NEO1: variants seen among roughly 807,000 people sequenced by gnomAD.
NEO1 encodes the protein neogenin.
Under a neutral mutation model 159.7 loss-of-function variants are expected in NEO1, and 63 were observed. That is an observed-to-expected ratio of 0.39 (90% confidence interval 0.32 to 0.49). The LOEUF is 0.49. NEO1 is among the 20% of genes least tolerant of loss of function. NEO1 has a pLI of 0.85. For synonymous variants in NEO1, 633 were observed against 662.0 expected (o/e 0.96, Z 0.67); for missense variants, 1,615 against 1,831.0 (o/e 0.88, Z 2.15).
chr15:73,150,418 A>G (rs937583350), intron 5 of NEO1, among the ~76,000 whole-genome samples: 2 of 152,204 alleles, frequency 1.3e-5, no homozygotes, highest in African/African-American at 2.4e-5. Context: ...TTTGTGTTAG[A>G]CATTTTTCAT....
intron 8 of NEO1, among the ~76,000 whole-genome samples, chr15:73,242,104 C>A (rs1348919036): frequency 6.6e-6 from 1 of 152,044 alleles, no homozygotes; most frequent in African/African-American, 2.4e-5. Context: ...GTAAAATAGT[C>A]CCCCTCCTGT....
chr15:73,089,424 G>A (rs2069551762), intron 1 of NEO1, among the ~76,000 whole-genome samples: 1 of 151,998 alleles, frequency 6.6e-6, no homozygotes, highest in Non-Finnish European at 1.5e-5. Context: ...TTTGACATAT[G>A]ATATAGGACT....
chr15:73,143,818 C>A (rs995007037), intron 5 of NEO1, among the ~76,000 whole-genome samples: 2 of 152,144 alleles, frequency 1.3e-5, no homozygotes, highest in African/African-American at 4.8e-5. Context: ...TACTTGACCC[C>A]TCTGTGAAGC....
chr15:73,160,242 G>A (rs116630068), intron 5 of NEO1, among the ~76,000 whole-genome samples: 2 of 152,002 alleles, frequency 1.3e-5, no homozygotes, highest in Non-Finnish European at 2.9e-5. Context: ...TCTGCTCAAC[G>A]CAGAAAACCT....
Position 73,298,593 on chromosome 15 carries a change from C to T in NEO1, c.4147C>T (p.Pro1383Ser). The T allele has an allele frequency of 1.9e-6, 3 of 1,614,128 alleles. No homozygotes were observed. The highest frequency in any genetic ancestry group is 1.1e-5 in the South Asian group (1 of 91,084). Residue 1383 changes from proline (P) to serine (S), a missense_variant, in exon 27 of 29, where the codon CCA becomes TCA. By Grantham distance (74) the Pro-to-Ser change is moderately conservative. Transcript: ENST00000261908. ...PTYDPALPSTPLLSQQALNHH... is the reference protein window; with the variant it reads ...PTYDPALPSTSLLSQQALNHH... ...CTATGATCCTGCATTGCCAAGCACA[C>T]CATTACTGTCCCAGCAAGGTGAGTG...
intron 5 of NEO1, among the ~76,000 whole-genome samples, chr15:73,163,481 A>AT (rs1471521091): frequency 6.6e-6 from 1 of 151,766 alleles, no homozygotes; most frequent in African/African-American, 2.4e-5. Flanking sequence ...CTACAAATAA[A>AT]TTTTTTTCAT....
chr15:73,140,329 G>A (rs757168124), intron 5 of NEO1, among the ~76,000 whole-genome samples: 4 of 152,138 alleles, frequency 2.6e-5, no homozygotes, highest in Non-Finnish European at 4.4e-5. Context: ...GCTGAGGCAG[G>A]AGGATCACTT....
At chr15:73,295,002 A>G (rs1175770806) in intron 26 of NEO1, among the ~76,000 whole-genome samples, 3 of 151,284 alleles carry the variant, frequency 2.0e-5, no homozygotes, top group Admixed American at 1.3e-4. Flanking sequence ...TTCCAGGCTG[A>G]GCAGTGTGGC....
chr15:73,238,779 G>T (rs192475222), intron 8 of NEO1, among the ~76,000 whole-genome samples: 1 of 151,956 alleles, frequency 6.6e-6, no homozygotes, highest in Non-Finnish European at 1.5e-5. Flanking sequence ...GTTAAAAAAA[G>T]GTTTTCACCA....
chr15:73,271,198 AT>A lies in NEO1; in HGVS notation c.2857+745del, dbSNP rs555424362. 1.8e-4 allele frequency among the ~76,000 whole-genome samples: 27 copies of A among 152,340 alleles called. 1 individual carries two copies. The East Asian group carries it at 5.0e-3, about 28-fold the overall frequency. The stretch of plus-strand genomic sequence containing the variant: ...AAGGGTTGGATTTGAAGAGTTAGAA[AT>A]ACAGTACATCAAAGTTTAAATAGAC... On this transcript the variant is annotated intron_variant, in intron 18 of 28. Coordinates refer to ENST00000261908, the MANE Select transcript of NEO1 (RefSeq NM_002499.4).
Position 73,249,293 on chromosome 15 carries a change from G to T in NEO1, c.1755+85G>T, listed in dbSNP as rs2039953927. On this transcript the variant is annotated intron_variant, in intron 10 of 28. Transcript: ENST00000261908. ...CCAAAACTCAGTAGTTGCTTGACTGGAAATGTGAGGGGGAAAAAGAAACAT... is the reference window on the plus strand; with the variant it reads ...CCAAAACTCAGTAGTTGCTTGACTGTAAATGTGAGGGGGAAAAAGAAACAT... 7.2e-6 allele frequency: 10 copies of T among 1,390,054 alleles called. No individual in the cohort carries two copies. The East Asian group carries it at 2.4e-4, about 33-fold the overall frequency. The allele number at this position is 1,390,054 out of a possible 1,614,324, so 86.1% of individuals were successfully genotyped here.
chr15:73,116,972 T>G, intron 2 of NEO1, 115 bp downstream of exon 2: 1 of 803,194 alleles, frequency 1.2e-6, no homozygotes, highest in Non-Finnish European at 1.9e-6. Flanking sequence ...ATATACTCAT[T>G]TAACAGATAT....
chr15:73,067,101 A>T (rs764703440), intron 1 of NEO1, among the ~76,000 whole-genome samples: 2 of 152,138 alleles, frequency 1.3e-5, no homozygotes, highest in African/African-American at 4.8e-5. Context: ...CTGGTTTTTC[A>T]TCACATGTAG....
chr15:73,099,049 C>T (rs1399019239), intron 1 of NEO1, among the ~76,000 whole-genome samples: 3 of 152,112 alleles, frequency 2.0e-5, no homozygotes, highest in East Asian at 3.8e-4. Flanking sequence ...ATTAATTCTA[C>T]ATCTGTATGA....
chr15:73,165,821 C>T (rs1037709914), intron 5 of NEO1, among the ~76,000 whole-genome samples: 4 of 152,182 alleles, frequency 2.6e-5, no homozygotes, highest in Admixed American at 1.3e-4. Flanking sequence ...ATCTCATTTA[C>T]GTAAGGTGAG....
chr15:73,295,144 G>GATATATATATATATATATATATATATA (rs2042311375), intron 26 of NEO1, among the ~76,000 whole-genome samples: 1 of 122,784 alleles, frequency 8.1e-6, no homozygotes, highest in African/African-American at 2.7e-5. Flanking sequence ...ATATATATAT[G>GATATATATATATATATATATATATATA]TAAAAATTTG....
chr15:73,273,029 C>A (rs974327733), intron 19 of NEO1, among the ~76,000 whole-genome samples: 3 of 149,936 alleles, frequency 2.0e-5, no homozygotes, highest in African/African-American at 7.4e-5. Context: ...CCCCCGAGAC[C>A]TGCTACTTCA....
rs182293492 is a variant in NEO1 at position 73,220,723 on chromosome 15, T to C, written c.1292-15624T>C. ...CTTTCTTCCAGTTGATTGCATCAGCTCCTGAGGCTTCTGCATTCTTCACGT... is the reference window on the plus strand; with the variant it reads ...CTTTCTTCCAGTTGATTGCATCAGCCCCTGAGGCTTCTGCATTCTTCACGT... On this transcript the variant is annotated intron_variant, in intron 7 of 28. Coordinates refer to ENST00000261908, the MANE Select transcript of NEO1 (RefSeq NM_002499.4). Among the ~76,000 whole-genome samples the C allele has an allele frequency of 2.4e-3, 360 of 152,352 alleles. 1 individual carries two copies. The highest frequency in any genetic ancestry group is 8.3e-3 in the African/African-American group (345 of 41,590).
intron 26 of NEO1, among the ~76,000 whole-genome samples, chr15:73,295,145 T>TATATATATATATATATATATATAA (rs1306550657): frequency 7.4e-5 from 10 of 134,876 alleles, no homozygotes; most frequent in South Asian, 2.2e-4. Context: ...TATATATATG[T>TATATATATATATATATATATATAA]AAAAATTTGG....
Sources: allele counts gnomAD v4.1 joint callset (sites outside exome capture counted in the v4.1 genomes callset), GRCh38; gene constraint gnomAD v4.1.1; transcripts MANE v1.5; gene names NCBI Gene and HGNC (gene_info 2026-07-23, HGNC 2026-07-21).